The following CDH13 variants were observed in gnomAD, a reference collection of about 807,000 sequenced individuals.
CDH13 encodes the protein cadherin-13.
In CDH13, 24 loss-of-function variants were observed where a neutral mutation model predicts 63.8. That is an observed-to-expected ratio of 0.38 (90% confidence interval 0.27 to 0.53). CDH13 has a LOEUF of 0.53. Ranked by LOEUF, CDH13 falls within the 20% of genes least tolerant of loss-of-function variation. CDH13 has a pLI of 0.85. For synonymous variants in CDH13, 503 were observed against 355.3 expected (o/e 1.42, Z -4.67); for missense variants, 1,049 against 903.1 (o/e 1.16, Z -2.07).
At chr16:83,364,738 A>G (rs1567619132) in intron 6 of CDH13, among the ~76,000 whole-genome samples, 1 of 152,218 alleles carries the variant, frequency 6.6e-6, no homozygotes, top group African/African-American at 2.4e-5. Context: ...AACAGAAACA[A>G]TGGGAAGAGA....
intron 5 of CDH13, among the ~76,000 whole-genome samples, chr16:83,256,261 G>C (rs1032878644): frequency 7.9e-5 from 12 of 152,018 alleles, no homozygotes; most frequent in African/African-American, 2.9e-4. Context: ...TGAAGCTCTT[G>C]AGCTCAAGTG....
At chr16:83,749,341 G>A (rs951038806) in intron 11 of CDH13, among the ~76,000 whole-genome samples, 1 of 152,280 alleles carries the variant, frequency 6.6e-6, no homozygotes, top group African/African-American at 2.4e-5. Context: ...ACAATAAGTA[G>A]AGAGTGCTTC....
At chr16:83,478,592 G>A (rs2151550498) in intron 6 of CDH13, among the ~76,000 whole-genome samples, 1 of 152,320 alleles carries the variant, frequency 6.6e-6, no homozygotes, top group South Asian at 2.1e-4. Context: ...GCAACCCAGG[G>A]AAGGGCCGCC....
intron 4 of CDH13, among the ~76,000 whole-genome samples, chr16:83,197,860 CAAATCTGAATA>C (rs2038920210): frequency 6.6e-6 from 1 of 151,024 alleles, no homozygotes; most frequent in Non-Finnish European, 1.5e-5. Flanking sequence ...AGTAAAATGG[CAAATCTGAATA>C]AGATCTGTGG....
intron 6 of CDH13, among the ~76,000 whole-genome samples, chr16:83,393,612 C>G (rs571281641): frequency 6.6e-6 from 1 of 152,178 alleles, no homozygotes; most frequent in African/African-American, 2.4e-5. Flanking sequence ...GCAATTATGG[C>G]TCTACTGAAA....
At chr16:83,418,787 C>T (rs1472010) in intron 6 of CDH13, among the ~76,000 whole-genome samples, 151,597 of 152,266 alleles carry the variant, frequency 1, 75,472 homozygotes, top group Middle Eastern at 1. Context: ...GCAGGAAAGA[C>T]AGGAGAAGAC....
chr16:83,095,685 A>G (rs2034158377), intron 3 of CDH13, among the ~76,000 whole-genome samples: 3 of 152,174 alleles, frequency 2.0e-5, no homozygotes, highest in Admixed American at 2.0e-4. Context: ...GACCGGTACA[A>G]CCTAGTTAAC....
intron 10 of CDH13, among the ~76,000 whole-genome samples, chr16:83,698,483 G>T (rs1477987582): frequency 1.1e-4 from 16 of 152,196 alleles, no homozygotes; most frequent in Non-Finnish European, 1.5e-5. Flanking sequence ...CTGGTTCCCA[G>T]TGCTGAGGCT....
chr16:83,685,804 C>T (rs555887194), intron 10 of CDH13, among the ~76,000 whole-genome samples: 17 of 152,290 alleles, frequency 1.1e-4, no homozygotes, highest in Admixed American at 6.5e-4. Flanking sequence ...GGCTGGATTC[C>T]GCCAGAAACC....
chr16:83,007,497 T>C (rs904657370), intron 2 of CDH13, among the ~76,000 whole-genome samples: 3 of 152,196 alleles, frequency 2.0e-5, no homozygotes, highest in East Asian at 1.9e-4. Context: ...ATTGCTTTCA[T>C]GATAAATTTC....
chr16:82,673,214 C>G (rs1597283986), intron 1 of CDH13, among the ~76,000 whole-genome samples: 1 of 151,922 alleles, frequency 6.6e-6, no homozygotes, highest in Admixed American at 6.6e-5. Flanking sequence ...TTGGTAGATG[C>G]AGGTGTTTGA....
At chr16:83,647,496 C>A (rs1911944760) in intron 8 of CDH13, among the ~76,000 whole-genome samples, 2 of 152,052 alleles carry the variant, frequency 1.3e-5, no homozygotes, top group Non-Finnish European at 2.9e-5. Context: ...GGAAACACTC[C>A]CTTCCTACAA....
intron 3 of CDH13, among the ~76,000 whole-genome samples, chr16:83,078,322 A>G (rs560687329): frequency 5.9e-4 from 89 of 152,128 alleles, no homozygotes; most frequent in African/African-American, 2.1e-3. Flanking sequence ...ATGGAAGGCA[A>G]TTTTTCCACA....
At chr16:82,927,129 C>T (rs77326721) in intron 2 of CDH13, among the ~76,000 whole-genome samples, 3 of 152,092 alleles carry the variant, frequency 2.0e-5, no homozygotes, top group African/African-American at 7.2e-5. Flanking sequence ...CTCCACGTGG[C>T]TGCTTGGGCT....
chr16:82,789,803 C>T (rs2036200805), intron 1 of CDH13, among the ~76,000 whole-genome samples: 1 of 152,146 alleles, frequency 6.6e-6, no homozygotes, highest in Admixed American at 6.5e-5. Flanking sequence ...TGAGAGCCTT[C>T]ATGTCTCAGG....
At chr16:83,299,740 C>G (rs1207137210) in intron 5 of CDH13, among the ~76,000 whole-genome samples, 1 of 152,182 alleles carries the variant, frequency 6.6e-6, no homozygotes, top group Non-Finnish European at 1.5e-5. Context: ...ACTGCAATCT[C>G]AAGTAATGAA....
chr16:83,408,860 G>A (rs2092086044), intron 6 of CDH13, among the ~76,000 whole-genome samples: 2 of 152,194 alleles, frequency 1.3e-5, no homozygotes, highest in African/African-American at 4.8e-5. Flanking sequence ...CAGGAAGCAT[G>A]CAGGAGACTT....
chr16:83,705,881 T>C (rs1906965559), intron 10 of CDH13, among the ~76,000 whole-genome samples: 1 of 152,236 alleles, frequency 6.6e-6, no homozygotes, highest in Non-Finnish European at 1.5e-5. Context: ...TTAAATTTTA[T>C]AAAACAAAGG....
intron 5 of CDH13, among the ~76,000 whole-genome samples, chr16:83,256,010 G>A (rs1906216238): frequency 6.6e-6 from 1 of 152,128 alleles, no homozygotes; most frequent in South Asian, 2.1e-4. Context: ...GATTAAATAG[G>A]TATATATAAA....
Sources: allele counts gnomAD v4.1 joint callset (sites outside exome capture counted in the v4.1 genomes callset), GRCh38; gene constraint gnomAD v4.1.1; transcripts MANE v1.5; gene names NCBI Gene and HGNC (gene_info 2026-07-23, HGNC 2026-07-21).